NEGR1: variants seen among roughly 807,000 people sequenced by gnomAD.
NEGR1 encodes the protein neuronal growth regulator 1.
In NEGR1, 10 loss-of-function variants were observed where a neutral mutation model predicts 40.9. The observed-to-expected ratio is 0.24, with a 90% CI of 0.15 to 0.42. The LOEUF is 0.42. Ranked by LOEUF, NEGR1 falls within the 10% of genes least tolerant of loss-of-function variation. The pLI is 1.00. For missense variants in NEGR1, 352 were observed against 438.9 expected (o/e 0.80, Z 1.77); for synonymous variants, 185 against 166.8 (o/e 1.11, Z -0.84).
Position 71,500,786 on chromosome 1 carries a change from C to G in NEGR1, c.940+92031G>C, listed in dbSNP as rs927115408. Among the ~76,000 whole-genome samples the G allele has an allele frequency of 2.0e-5, 3 of 151,906 alleles. No individual in the cohort carries two copies. The South Asian group carries it at 6.2e-4, about 32-fold the overall frequency. On this transcript the variant is annotated intron_variant, in intron 6 of 6. Coordinates refer to ENST00000357731, the MANE Select transcript of NEGR1 (RefSeq NM_173808.3). Reference sequence around the variant, plus strand: ...TATATGCATATAACCAATGCATAGCCTACCATATACTTTTAATCATCTCTA... The same window carrying G: ...TATATGCATATAACCAATGCATAGCGTACCATATACTTTTAATCATCTCTA...
At chr1:72,116,669 T>C (rs1649593211) in intron 1 of NEGR1, among the ~76,000 whole-genome samples, 1 of 151,720 alleles carries the variant, frequency 6.6e-6, no homozygotes, top group South Asian at 2.1e-4. Context: ...TGTGTAATAT[T>C]TATTCTGACT....
intron 6 of NEGR1, among the ~76,000 whole-genome samples, chr1:71,425,085 A>G (rs372481368): frequency 6.6e-6 from 1 of 152,292 alleles, no homozygotes; most frequent in South Asian, 2.1e-4. Flanking sequence ...AAAGGCAGGA[A>G]GGGTTAAAGG....
At position 71,404,606 on chromosome 1, in the gene NEGR1, C is replaced by T. The variant is rs544491454; in HGVS notation, c.*2840G>A. On this transcript the variant is annotated 3_prime_UTR_variant, in exon 7 of 7. Transcript: ENST00000357731. The stretch of plus-strand genomic sequence containing the variant: ...CATCCTTCCTTTTTTTCCCTCTTTA[C>T]TGCCTTTCCTTTTCATTCTTTTTCT... The T allele has an allele frequency of 1.3e-5, 2 of 149,980 alleles. No individual in the cohort carries two copies. The highest frequency in any genetic ancestry group is 1.3e-4 in the Admixed American group (2 of 14,960). 9.3% of individuals were successfully genotyped at this position (149,980 alleles called of 1,614,324 possible). A position where few individuals can be genotyped will look rare whatever the true frequency, so the allele number is the denominator to read the frequency against.
intron 6 of NEGR1, among the ~76,000 whole-genome samples, chr1:71,580,472 TA>T (rs948742272): frequency 2.8e-4 from 42 of 149,928 alleles, no homozygotes; most frequent in South Asian, 2.5e-3. Context: ...ATAATAAAAA[TA>T]AAAAAAAAGA....
At chr1:71,605,010 T>G (rs1011428446) in intron 5 of NEGR1, among the ~76,000 whole-genome samples, 2 of 152,148 alleles carry the variant, frequency 1.3e-5, no homozygotes, top group African/African-American at 4.8e-5. Flanking sequence ...TTCATTGGAG[T>G]AATTTATGTT....
At chr1:72,193,771 A>T (rs1307176951) in intron 1 of NEGR1, among the ~76,000 whole-genome samples, 1 of 151,580 alleles carries the variant, frequency 6.6e-6, no homozygotes, top group East Asian at 1.9e-4. Flanking sequence ...ATATAAAAAG[A>T]ATATTTTTAA....
At position 71,829,312 on chromosome 1, in the gene NEGR1, T is replaced by C. The variant is rs560937210; in HGVS notation, c.410-53015A>G. ...ACAGATATTGGTTCCAGCATATCTC[T>C]GGCATCACCAACCAGTAAGTAAAAT... On this transcript the variant is annotated intron_variant, in intron 2 of 6. Coordinates refer to ENST00000357731, the MANE Select transcript of NEGR1 (RefSeq NM_173808.3). Among the ~76,000 whole-genome samples, 55 of 152,070 alleles carry C rather than the reference T, an allele frequency of 3.6e-4. No individual in the cohort carries two copies. The South Asian group carries it at 4.6e-3, about 13-fold the overall frequency.
chr1:72,123,110 G>A (rs983458899), intron 1 of NEGR1, among the ~76,000 whole-genome samples: 8 of 151,756 alleles, frequency 5.3e-5, no homozygotes, highest in African/African-American at 9.7e-5. Context: ...TTTCTTAAGC[G>A]AATAAGAATT....
At chr1:72,268,369 A>G (rs1043939273) in intron 1 of NEGR1, among the ~76,000 whole-genome samples, 1 of 151,492 alleles carries the variant, frequency 6.6e-6, no homozygotes, top group Admixed American at 6.6e-5. Context: ...TGAGTCTCAG[A>G]AAAACCAAAT....
intron 6 of NEGR1, among the ~76,000 whole-genome samples, chr1:71,539,771 C>T (rs1647631123): frequency 6.6e-6 from 1 of 151,572 alleles, no homozygotes; most frequent in Non-Finnish European, 1.5e-5. Flanking sequence ...TAAAAAAAAT[C>T]CTCTTAGTTA....
At chr1:71,671,448 A>G (rs11209818) in intron 4 of NEGR1, among the ~76,000 whole-genome samples, 128,615 of 152,156 alleles carry the variant, frequency 0.85, 55,318 homozygotes, top group Middle Eastern at 0.93. Flanking sequence ...AAATTGATAG[A>G]AAGAAAGCAT....
intron 1 of NEGR1, among the ~76,000 whole-genome samples, chr1:72,049,842 A>G (rs1431687785): frequency 1.3e-5 from 2 of 151,596 alleles, no homozygotes; most frequent in African/African-American, 2.4e-5. Flanking sequence ...CAGGCTAAAC[A>G]GCAAAATGCT....
intron 1 of NEGR1, among the ~76,000 whole-genome samples, chr1:72,064,373 G>C (rs576591987): frequency 6.6e-6 from 1 of 152,124 alleles, no homozygotes; most frequent in Non-Finnish European, 1.5e-5. Context: ...GAGGAGCTGA[G>C]GATCCTTTAC....
chr1:72,182,376 T>A (rs1043858091), intron 1 of NEGR1, among the ~76,000 whole-genome samples: 7 of 152,062 alleles, frequency 4.6e-5, no homozygotes, highest in East Asian at 1.9e-4. Flanking sequence ...TGCCTGTTAG[T>A]CAGTTACTTG....
intron 2 of NEGR1, among the ~76,000 whole-genome samples, chr1:71,826,759 TACTG>T (rs1658640143): frequency 6.6e-6 from 1 of 151,970 alleles, no homozygotes; most frequent in Non-Finnish European, 1.5e-5. Flanking sequence ...AATTTTCACT[TACTG>T]ACAAGGGCAG....
At chr1:71,995,612 T>A (rs976840152) in intron 1 of NEGR1, among the ~76,000 whole-genome samples, 7 of 152,170 alleles carry the variant, frequency 4.6e-5, no homozygotes, top group African/African-American at 1.7e-4. Flanking sequence ...TACAATAATT[T>A]AAATACATCT....
chr1:71,603,001 G>T (rs1319097760), intron 5 of NEGR1, among the ~76,000 whole-genome samples: 2 of 152,090 alleles, frequency 1.3e-5, no homozygotes, highest in African/African-American at 2.4e-5. Context: ...GTTATTAAAA[G>T]AAATATAATC....
intron 4 of NEGR1, among the ~76,000 whole-genome samples, chr1:71,640,302 G>A (rs1651305982): frequency 6.6e-6 from 1 of 152,010 alleles, no homozygotes; most frequent in Non-Finnish European, 1.5e-5. Flanking sequence ...GCTCTGTAGA[G>A]ACTCATGGGA....
intron 6 of NEGR1, among the ~76,000 whole-genome samples, chr1:71,591,861 C>A (rs182209583): frequency 1.4e-4 from 21 of 152,090 alleles, no homozygotes; most frequent in African/African-American, 5.1e-4. Context: ...ATCATATATC[C>A]CATCCCCATT....
Sources: allele counts gnomAD v4.1 joint callset (sites outside exome capture counted in the v4.1 genomes callset), GRCh38; gene constraint gnomAD v4.1.1; transcripts MANE v1.5; gene names NCBI Gene and HGNC (gene_info 2026-07-23, HGNC 2026-07-21).